The following TTC31 variants were observed in gnomAD, a reference collection of about 807,000 sequenced individuals.
TTC31 encodes tetratricopeptide repeat protein 31.
TTC31 carries 59 observed loss-of-function variants against 60.4 expected under a neutral mutation model. That is an observed-to-expected ratio of 0.98 (90% CI 0.79 to 1.21). The LOEUF is 1.21. Ranked by LOEUF, TTC31 falls within the 50% of genes most tolerant of loss-of-function variation. TTC31 has a pLI of 0.00. For synonymous variants in TTC31, 225 were observed against 249.6 expected, an observed-to-expected ratio of 0.90 and a Z score of 0.93; for missense variants, 672 against 646.9, an observed-to-expected ratio of 1.04 and a Z score of -0.42.
At chr2:74,489,890 A>G (rs964873354) in intron 2 of TTC31, 135 bp from the exon 3 acceptor site, 6 of 666,178 alleles carry the variant, frequency 9.0e-6, no homozygotes, top group Admixed American at 7.1e-5. Context: ...GGGAGAGGTC[A>G]GAGCCAGTGA....
Position 74,490,094 on chromosome 2 carries a change from G to T in TTC31, c.199G>T (p.Gly67Trp), listed in dbSNP as rs1217282408. 1 of 1,591,590 alleles carries T rather than the reference G, an allele frequency of 6.3e-7. No individual in the cohort carries two copies. The highest frequency in any genetic ancestry group is 2.3e-5 in the East Asian group (1 of 43,932). The change falls in exon 3 of 13, where the codon GGG (glycine) becomes TGG (tryptophan). Residue 67 changes from glycine (G) to tryptophan (W), a missense_variant. Gly to Trp is a radical substitution (Grantham distance 184). Transcript: ENST00000233623. ...PQGLHRIHVD[G>W]SSGRLQLWHH... ...GGGCCTGCACCGGATCCATGTGGATGGGAGCAGCGGGCGGCTGCAGCTGTG... is the reference window on the plus strand; with the variant it reads ...GGGCCTGCACCGGATCCATGTGGATTGGAGCAGCGGGCGGCTGCAGCTGTG...
At chr2:74,490,547 C>T in intron 4 of TTC31, 74 bp downstream of exon 4, 1 of 1,529,560 alleles carries the variant, frequency 6.5e-7, no homozygotes, top group South Asian at 1.2e-5. Context: ...CCTATATTCT[C>T]CCCTAATTGG....
chr2:74,491,053 A>T, intron 5 of TTC31, 75 bp from the exon 6 acceptor site: 1 of 1,578,988 alleles, frequency 6.3e-7, no homozygotes, highest in Non-Finnish European at 8.7e-7. Context: ...GCAAAGATGG[A>T]ATGCGAAATC....
intron 2 of TTC31, chr2:74,483,697 C>A: frequency 9.0e-7 from 1 of 1,105,896 alleles, no homozygotes; most frequent in Non-Finnish European, 1.2e-6. Context: ...AAGATGGAGG[C>A]CGGGCGCGGT....
intron 11 of TTC31, 75 bp downstream of exon 11, chr2:74,492,520 A>G: frequency 6.5e-7 from 1 of 1,532,216 alleles, no homozygotes; most frequent in South Asian, 1.3e-5. Context: ...TTGACTTTCT[A>G]GATAAGCTTC....
chr2:74,488,082 C>T (rs1482732522), intron 2 of TTC31, among the ~76,000 whole-genome samples: 1 of 152,192 alleles, frequency 6.6e-6, no homozygotes, highest in Non-Finnish European at 1.5e-5. Flanking sequence ...TCAAACAGTC[C>T]TTCGATTTCA....
chr2:74,485,118 C>T (rs1339291248), intron 2 of TTC31, among the ~76,000 whole-genome samples: 3 of 151,284 alleles, frequency 2.0e-5, no homozygotes, highest in Non-Finnish European at 2.9e-5. Context: ...CCTCCTCCTC[C>T]CGGATTCAGG....
At position 74,490,226 on chromosome 2, in the gene TTC31, CTT is replaced by C. The variant is rs1441673947; in HGVS notation, c.233-16_233-15del. ...CTCTCATGTCCTTTCTTTCCTGTCT[CTT>C]TCTCCCTCCTGACAGATTACCTCCT... On this transcript the variant is annotated splice_polypyrimidine_tract_variant and intron_variant, in intron 3 of 12. Transcript: ENST00000233623. 6.2e-7 allele frequency: 1 copy of C among 1,612,646 alleles called. No homozygotes were observed. Among genetic ancestry groups the C allele is most frequent in the African/African-American group, 1.3e-5 (1 of 74,892 alleles).
intron 2 of TTC31, among the ~76,000 whole-genome samples, chr2:74,487,787 C>A (rs1673307325): frequency 6.6e-6 from 1 of 152,150 alleles, no homozygotes; most frequent in Admixed American, 6.5e-5. Context: ...TCGAGCAATT[C>A]TCGTGCCTCA....
chr2:74,490,518 C>A, intron 4 of TTC31, 45 bp downstream of exon 4: 1 of 1,548,692 alleles, frequency 6.5e-7, no homozygotes, highest in Non-Finnish European at 8.8e-7. Flanking sequence ...AGGGTTCTTT[C>A]AATCCCTGTA....
chr2:74,484,610 C>T (rs569672833), intron 2 of TTC31, among the ~76,000 whole-genome samples: 27 of 152,196 alleles, frequency 1.8e-4, no homozygotes, highest in African/African-American at 6.0e-4. Context: ...AGGCACATGC[C>T]ACCAGTCCCA....
intron 1 of TTC31, 89 bp downstream of exon 1, chr2:74,483,224 A>AT (rs1343193525): frequency 6.2e-7 from 1 of 1,613,276 alleles, no homozygotes; most frequent in Non-Finnish European, 8.5e-7. Context: ...TTCGAGTAGG[A>AT]TTTTATGCAG....
intron 2 of TTC31, among the ~76,000 whole-genome samples, chr2:74,485,449 TC>T (rs1277180998): frequency 1.3e-5 from 2 of 150,440 alleles, no homozygotes; most frequent in African/African-American, 4.9e-5. Flanking sequence ...CATAGCCTCA[TC>T]TTCCCCTGAG....
chr2:74,490,173 G>A (rs2104222812), intron 3 of TTC31, 46 bp downstream of exon 3: 3 of 1,611,018 alleles, frequency 1.9e-6, no homozygotes, highest in East Asian at 4.5e-5. Flanking sequence ...CTGGTACCCT[G>A]GGAGGGCTGA....
In TTC31 at chr2:74,493,111, C is replaced by T. The variant is rs1312037857; in HGVS notation, c.1453C>T (p.Leu485Phe). Reference sequence around the variant, plus strand: ...TCACCGAAGCCACCCCAACCAGCCCCTCTCCCAGACTCAGAGTAGAAGGCC... The same window carrying T: ...TCACCGAAGCCACCCCAACCAGCCCTTCTCCCAGACTCAGAGTAGAAGGCC... ...SCHRSHPNQPLSQTQSRRPHP... is the reference protein window; with the variant it reads ...SCHRSHPNQPFSQTQSRRPHP... Residue 485 changes from leucine (L) to phenylalanine (F), a missense_variant, in exon 13 of 13, where the codon CTC (leucine) becomes TTC (phenylalanine). By Grantham distance (22) the Leu-to-Phe change is conservative. Coordinates refer to ENST00000233623, the MANE Select transcript of TTC31 (RefSeq NM_022492.6). The T allele has an allele frequency of 1.2e-6, 2 of 1,614,170 alleles. No homozygotes were observed. The highest frequency in any genetic ancestry group is 1.7e-6 in the Non-Finnish European group (2 of 1,180,018).
chr2:74,490,014 T>TCCCCA lies in TTC31; in HGVS notation c.130-7_130-6insACCCC. The TCCCCA allele has an allele frequency of 4.3e-6, 3 of 703,012 alleles. No homozygotes were observed. The highest frequency in any genetic ancestry group is 1.8e-5 in the African/African-American group (1 of 54,962). The allele number at this position is 703,012 out of a possible 1,614,324, so 43.5% of individuals were successfully genotyped here. On this transcript the variant is annotated splice_polypyrimidine_tract_variant and intron_variant, in intron 2 of 12. Coordinates refer to ENST00000233623, the MANE Select transcript of TTC31 (RefSeq NM_022492.6). ...AACACCAGCCTCCCCTCCCCTCCCC[T>TCCCCA]CCCCTCCCAGGACATAGTGGATTTT...
In TTC31 at chr2:74,490,305, G is replaced by C. The variant is rs1673692148; in HGVS notation, c.294G>C (p.Lys98Asn). Residue 98 changes from lysine (K) to asparagine (N), a missense_variant, in exon 4 of 13, where the codon AAG (lysine) becomes AAC (asparagine). Physicochemically the swap from Lys to Asn is moderately conservative, Grantham distance 94. Coordinates refer to ENST00000233623, the MANE Select transcript of TTC31 (RefSeq NM_022492.6). ...CAACTGGACAGAGTGACAGGGGCAA[G>C]GGGGCTGAGGGACTGGGCACCTACT... The part of the protein sequence containing the change: ...GKSTGQSDRG[K>N]GAEGLGTYCG... The C allele has an allele frequency of 6.8e-6, 11 of 1,614,150 alleles. No homozygotes were observed. Among genetic ancestry groups the C allele is most frequent in the Non-Finnish European group, 9.3e-6 (11 of 1,180,012 alleles).
chr2:74,484,081 C>G (rs1672790368), intron 2 of TTC31, among the ~76,000 whole-genome samples: 1 of 151,784 alleles, frequency 6.6e-6, no homozygotes, highest in Admixed American at 6.6e-5. Flanking sequence ...ACCAAAAATA[C>G]GAAAAACTAG....
At chr2:74,486,194 A>G (rs1302711091) in intron 2 of TTC31, among the ~76,000 whole-genome samples, 1 of 151,888 alleles carries the variant, frequency 6.6e-6, no homozygotes, top group African/African-American at 2.4e-5. Context: ...TGAACCCAGG[A>G]GATGGAGGTT....
Sources: gnomAD v4.1 joint callset for allele counts (sites outside exome capture counted in the v4.1 genomes callset) on GRCh38, gnomAD v4.1.1 for gene constraint, MANE v1.5 for transcripts, NCBI Gene and HGNC (gene_info 2026-07-23, HGNC 2026-07-21) for gene names.